CENPA: variants seen among roughly 807,000 people sequenced by gnomAD.
CENPA encodes the protein histone H3-like centromeric protein A.
A neutral mutation model predicts 17.2 loss-of-function variants in CENPA; 7 were observed. That is an observed-to-expected ratio of 0.41 (90% CI 0.23 to 0.76). The LOEUF is 0.76. CENPA is among the 30% of genes least tolerant of loss of function. The pLI is 0.34. For synonymous variants in CENPA, 82 were observed against 77.4 expected, an observed-to-expected ratio of 1.06 and a Z score of -0.31; for missense variants, 149 against 193.1, an observed-to-expected ratio of 0.77 and a Z score of 1.35.
rs1664505970 is a variant in CENPA, at chr2:26,786,252, G to C, written c.56G>C (p.Ser19Thr). 1 of 1,375,942 alleles carries C rather than the reference G, an allele frequency of 7.3e-7. No individual in the cohort carries two copies. Among genetic ancestry groups the C allele is most frequent in the Non-Finnish European group, 9.3e-7 (1 of 1,071,980 alleles). The allele number at this position is 1,375,942 out of a possible 1,614,324, so 85.2% of individuals were successfully genotyped here. A position where few individuals can be genotyped will look rare whatever the true frequency, so the allele number is the denominator to read the frequency against. The part of the protein sequence containing the change: ...KPEAPRRRSP[S>T]PTPTPGPSRR... ...GAGGCCCCGAGGAGGCGCAGCCCGA[G>C]CCCGACCCCGACCCCCGGCCCCTCC... The change falls in exon 1 of 5, where the codon AGC becomes ACC. Residue 19 changes from serine to threonine, a missense_variant. Ser to Thr is a moderately conservative substitution (Grantham distance 58, BLOSUM62 1). Transcript: ENST00000335756.
At chr2:26,789,053 T>G (rs1296788029) in intron 1 of CENPA, among the ~76,000 whole-genome samples, 2 of 152,168 alleles carry the variant, frequency 1.3e-5, no homozygotes, top group African/African-American at 2.4e-5. Flanking sequence ...CCCATTTCCC[T>G]CTACTTCCCT....
rs1349910629 is a variant in CENPA, at chr2:26,786,186, T to C, written c.-11T>C. On this transcript the variant is annotated 5_prime_UTR_variant, in exon 1 of 5. Transcript: ENST00000335756. ...CGTGGGACCGGGCGCCAGCACCCTC[T>C]GCGGCGTGTCATGGGCCCGCGCCGC... 2 of 1,443,754 alleles carry C rather than the reference T, an allele frequency of 1.4e-6. No homozygotes were observed. Among genetic ancestry groups the C allele is most frequent in the Non-Finnish European group, 9.0e-7 (1 of 1,105,010 alleles). The allele number at this position is 1,443,754 out of a possible 1,614,324, so 89.4% of individuals were successfully genotyped here.
At chr2:26,789,981 C>T (rs1393066720) in intron 1 of CENPA, among the ~76,000 whole-genome samples, 2 of 152,144 alleles carry the variant, frequency 1.3e-5, no homozygotes, top group African/African-American at 4.8e-5. Flanking sequence ...GATTAAATTC[C>T]ATCTCCTCAT....
In CENPA at chr2:26,793,929, T is replaced by G. The variant is rs1558299844; in HGVS notation, c.*165T>G. 1 of 152,212 alleles carries G rather than the reference T, an allele frequency of 6.6e-6. No individual in the cohort carries two copies. Among genetic ancestry groups the G allele is most frequent in the Non-Finnish European group, 1.5e-5 (1 of 68,050 alleles). 9.4% of individuals were successfully genotyped at this position (152,212 alleles called of 1,614,324 possible). A position where few individuals can be genotyped will look rare whatever the true frequency, so the allele number is the denominator to read the frequency against. On this transcript the variant is annotated 3_prime_UTR_variant, in exon 5 of 5. Transcript: ENST00000335756. ...GTTGCTTTAAATATTTTTCTTTTTT[T>G]TGAGAAGGAGAAGACTGCATGACTT... is the stretch of plus-strand genomic sequence containing the variant.
intron 1 of CENPA, among the ~76,000 whole-genome samples, chr2:26,789,677 C>T (rs1664580762): frequency 6.6e-6 from 1 of 152,152 alleles, no homozygotes; most frequent in Non-Finnish European, 1.5e-5. Flanking sequence ...GGCACAACTA[C>T]CCACCCAGTT....
At chr2:26,786,958 C>A (rs1293329444) in intron 1 of CENPA, among the ~76,000 whole-genome samples, 1 of 152,212 alleles carries the variant, frequency 6.6e-6, no homozygotes, top group Non-Finnish European at 1.5e-5. Flanking sequence ...GGAGACCCAA[C>A]GGCAGGAGGA....
chr2:26,790,062 CT>C (rs1174876172), intron 1 of CENPA, among the ~76,000 whole-genome samples: 1 of 152,202 alleles, frequency 6.6e-6, no homozygotes, highest in African/African-American at 2.4e-5. Context: ...TAATTGGTTA[CT>C]TTTCATAACC....
At chr2:26,792,273 G>GA in intron 2 of CENPA, 33 bp downstream of exon 2, 1 of 1,535,460 alleles carries the variant, frequency 6.5e-7, no homozygotes, top group Non-Finnish European at 9.0e-7. Context: ...CAACCCCTAT[G>GA]CCACCCTCCT....
chr2:26,792,359 G>A (rs1664635970), intron 2 of CENPA, 119 bp downstream of exon 2: 1 of 743,200 alleles, frequency 1.3e-6, no homozygotes, highest in Middle Eastern at 3.4e-4. Context: ...TTTGTAACCT[G>A]GTAGGGGATT....
At chr2:26,793,391 A>G (rs11687642) in intron 4 of CENPA, 65 bp downstream of exon 4, 463,480 of 1,420,854 alleles carry the variant, frequency 0.33, 77,761 homozygotes, top group Non-Finnish European at 0.35. Flanking sequence ...TTCTCCATCC[A>G]TAGTCCCTTG....
intron 1 of CENPA, among the ~76,000 whole-genome samples, chr2:26,790,113 C>T (rs1664588302): frequency 6.6e-6 from 1 of 152,170 alleles, no homozygotes; most frequent in Non-Finnish European, 1.5e-5. Context: ...TCTGTTACCT[C>T]TCTGAGTTCA....
intron 1 of CENPA, among the ~76,000 whole-genome samples, chr2:26,789,446 C>G (rs1301404377): frequency 6.6e-6 from 1 of 152,098 alleles, no homozygotes; most frequent in East Asian, 1.9e-4. Flanking sequence ...CTACCCCCTC[C>G]CTAGGTGGTC....
At chr2:26,790,232 GC>G (rs1200788733) in intron 1 of CENPA, among the ~76,000 whole-genome samples, 1 of 151,698 alleles carries the variant, frequency 6.6e-6, no homozygotes, top group Non-Finnish European at 1.5e-5. Context: ...CATGGTATTG[GC>G]CTTCTTAAAT....
At chr2:26,789,860 C>T (rs1393434760) in intron 1 of CENPA, among the ~76,000 whole-genome samples, 2 of 152,206 alleles carry the variant, frequency 1.3e-5, no homozygotes, top group African/African-American at 2.4e-5. Context: ...AATCAGCTGC[C>T]ACTCCACTTC....
chr2:26,789,645 C>T (rs1262130091), intron 1 of CENPA, among the ~76,000 whole-genome samples: 1 of 152,178 alleles, frequency 6.6e-6, no homozygotes, highest in Admixed American at 6.5e-5. Flanking sequence ...CCTTCATCCT[C>T]AGCTTCCCCA....
rs1664631512 is a variant in CENPA, at chr2:26,792,202, A to G, written c.172A>G (p.Thr58Ala). The change falls in exon 2 of 5, where the codon ACA becomes GCA. Residue 58 changes from threonine (T) to alanine (A), a missense_variant. Thr to Ala is a moderately conservative substitution (Grantham distance 58). This residue lies in a region of CENPA where 54 missense variants were observed against 105.7 expected (regional missense o/e 0.51). Coordinates refer to ENST00000335756, the MANE Select transcript of CENPA (RefSeq NM_001809.4). ...GGAGATCCGAAAGCTTCAGAAGAGC[A>G]CACACCTCTTGATAAGGAAGCTGCC... ...LKEIRKLQKSTHLLIRKLPFS... is the reference protein window; with the variant it reads ...LKEIRKLQKSAHLLIRKLPFS... 3 of 1,613,842 alleles carry G rather than the reference A, an allele frequency of 1.9e-6. No individual in the cohort carries two copies. The highest frequency in any genetic ancestry group is 2.5e-6 in the Non-Finnish European group (3 of 1,179,950).
chr2:26,792,801 T>A lies in CENPA; in HGVS notation c.256T>A (p.Trp86Arg). 6.2e-7 allele frequency: 1 copy of A among 1,614,152 alleles called. No individual in the cohort carries two copies. The highest frequency in any genetic ancestry group is 8.5e-7 in the Non-Finnish European group (1 of 1,180,014). Residue 86 changes from tryptophan (W) to arginine (R), a missense_variant, in exon 3 of 5, where the codon TGG becomes AGG. Trp to Arg is a moderately radical substitution (Grantham distance 101, BLOSUM62 -3). This residue lies in a region of CENPA where 54 missense variants were observed against 105.7 expected (regional missense o/e 0.51). Transcript: ENST00000335756. ...ATTCACTCGTGGTGTGGACTTCAAT[T>A]GGCAAGCCCAGGCCCTATTGGCCCT... ...VKFTRGVDFN[W>R]QAQALLALQE...
intron 1 of CENPA, among the ~76,000 whole-genome samples, chr2:26,786,682 C>G (rs1664513865): frequency 6.6e-6 from 1 of 152,268 alleles, no homozygotes; most frequent in South Asian, 2.1e-4. Flanking sequence ...AGTCACACAA[C>G]TTGGTGTTCT....
At position 26,793,131 on chromosome 2, in the gene CENPA, CT is replaced by C. The variant is rs748101574; in HGVS notation, c.289-11del. On this transcript the variant is annotated splice_polypyrimidine_tract_variant and intron_variant, in intron 3 of 4. Coordinates refer to ENST00000335756, the MANE Select transcript of CENPA (RefSeq NM_001809.4). ...CCTTCATCTGTGTCCGTCTTTTTCTCTTTCTGTCTCCAGGCAGCAGAAGCAT... is the reference window on the plus strand; with the variant it reads ...CCTTCATCTGTGTCCGTCTTTTTCTCTTCTGTCTCCAGGCAGCAGAAGCAT... 1 of 1,613,386 alleles carries C rather than the reference CT, an allele frequency of 6.2e-7. No individual in the cohort carries two copies. The highest frequency in any genetic ancestry group is 8.5e-7 in the Non-Finnish European group (1 of 1,179,968).
Sources: gnomAD v4.1 joint callset for allele counts (sites outside exome capture counted in the v4.1 genomes callset) on GRCh38, gnomAD v4.1.1 for gene constraint, gnomAD v4.1.1 regional missense constraint, MANE v1.5 for transcripts, NCBI Gene and HGNC (gene_info 2026-07-23, HGNC 2026-07-21) for gene names.